The following CBFA2T3 variants were observed in gnomAD, a reference collection of about 807,000 sequenced individuals.
CBFA2T3 encodes CBFA2/RUNX1 partner transcriptional co-repressor 3, also known as transcriptional corepressor CBFA2T3.
A neutral mutation model predicts 58.6 loss-of-function variants in CBFA2T3; 31 were observed. That is an observed-to-expected ratio of 0.53 (90% CI 0.40 to 0.71). The LOEUF is 0.71. Among genes scored for constraint, CBFA2T3 ranks in the 30% least tolerant of loss-of-function variants. CBFA2T3 has a pLI of 0.00. For synonymous variants in CBFA2T3, 531 were observed against 421.9 expected (o/e 1.26, Z -3.17); for missense variants, 1,076 against 963.1 (o/e 1.12, Z -1.55).
At chr16:88,891,660 T>C (rs1969636101) in intron 5 of CBFA2T3, among the ~76,000 whole-genome samples, 1 of 152,218 alleles carries the variant, frequency 6.6e-6, no homozygotes. Flanking sequence ...TTTTCAGGCC[T>C]TAACTAGTAG....
Position 88,885,731 on chromosome 16 carries a change from T to C in CBFA2T3, c.893+230A>G. 1 of 546,270 alleles carries C rather than the reference T, an allele frequency of 1.8e-6. No individual in the cohort carries two copies. The allele number at this position is 546,270 out of a possible 1,614,324, so 33.8% of individuals were successfully genotyped here. On this transcript the variant is annotated intron_variant, in intron 6 of 11. Coordinates refer to ENST00000268679, the MANE Select transcript of CBFA2T3 (RefSeq NM_005187.6). This position sits in a 1 kb window ranked among gnomAD's most constrained non-coding sequence, Gnocchi z 5.3. ...GCCGTCCTCCCACCAGCCTCCTCCC[T>C]GTCCTCCTAGGCTCCCCGGAGCATC... is the stretch of plus-strand genomic sequence containing the variant.
chr16:88,910,954 C>T (rs912929568), intron 1 of CBFA2T3, among the ~76,000 whole-genome samples: 1 of 148,618 alleles, frequency 6.7e-6, no homozygotes, highest in South Asian at 2.1e-4. Context: ...GGCCTGAGAG[C>T]CTCAGGCGCT....
At chr16:88,961,386 T>G (rs572311932) in intron 1 of CBFA2T3, among the ~76,000 whole-genome samples, 4 of 117,872 alleles carry the variant, frequency 3.4e-5, no homozygotes, top group Admixed American at 8.1e-5. Context: ...CCATAGCAAC[T>G]GACCCTCAGC....
intron 1 of CBFA2T3, among the ~76,000 whole-genome samples, chr16:88,922,920 C>A (rs182129857): frequency 6.6e-6 from 1 of 152,226 alleles, no homozygotes; most frequent in African/African-American, 2.4e-5. Context: ...CTCTTCCCAC[C>A]GTACAGATGG....
At chr16:88,888,154 G>C (rs1451347852) in intron 5 of CBFA2T3, among the ~76,000 whole-genome samples, 1 of 151,920 alleles carries the variant, frequency 6.6e-6, no homozygotes, top group East Asian at 2.0e-4. Context: ...AACTACGAGA[G>C]AGAGGGCCCA....
At chr16:88,912,209 G>A (rs1459338542) in intron 1 of CBFA2T3, among the ~76,000 whole-genome samples, 1 of 152,240 alleles carries the variant, frequency 6.6e-6, no homozygotes, top group Non-Finnish European at 1.5e-5. Flanking sequence ...CTTTCCCAAG[G>A]AGAGAAGAAA....
intron 3 of CBFA2T3, among the ~76,000 whole-genome samples, chr16:88,897,297 G>A (rs568694397): frequency 6.6e-6 from 1 of 152,338 alleles, no homozygotes; most frequent in East Asian, 1.9e-4. Context: ...CAGAAACAAC[G>A]CACAGTTGTT....
intron 5 of CBFA2T3, 57 bp downstream of exon 5, chr16:88,891,825 G>C (rs968068696): frequency 2.2e-5 from 27 of 1,224,794 alleles, no homozygotes; most frequent in Non-Finnish European, 3.2e-5. Flanking sequence ...GCAAGGAGTG[G>C]GATTAAGGGG....
At chr16:88,913,504 G>C (rs1473662555) in intron 1 of CBFA2T3, among the ~76,000 whole-genome samples, 3 of 152,222 alleles carry the variant, frequency 2.0e-5, no homozygotes, top group African/African-American at 7.2e-5. Context: ...GGACCTGAGA[G>C]ACAATCAAAT....
intron 1 of CBFA2T3, among the ~76,000 whole-genome samples, chr16:88,909,758 C>T (rs1191057991): frequency 6.6e-6 from 1 of 152,220 alleles, no homozygotes; most frequent in Admixed American, 6.5e-5. Context: ...ACCCCGCACC[C>T]ACGCTGCCCC....
At chr16:88,891,791 G>T (rs965897242) in intron 5 of CBFA2T3, 91 bp downstream of exon 5, 3 of 891,232 alleles carry the variant, frequency 3.4e-6, no homozygotes, top group African/African-American at 1.7e-5. Flanking sequence ...GCCCCTTCCC[G>T]CCTGTCCACC....
intron 1 of CBFA2T3, among the ~76,000 whole-genome samples, chr16:88,904,113 G>A (rs942430623): frequency 2.0e-5 from 3 of 151,780 alleles, no homozygotes; most frequent in African/African-American, 4.9e-5. Flanking sequence ...GCGTGCTCAC[G>A]GCCACCACCT....
At chr16:88,975,210 C>CCTCCAGCCATGTCAGAGGTCCACCCTGAT (rs1567644081) in intron 1 of CBFA2T3, among the ~76,000 whole-genome samples, 2 of 102,096 alleles carry the variant, frequency 2.0e-5, no homozygotes, top group Non-Finnish European at 2.1e-5. Flanking sequence ...TCCACCCTGA[C>CCTCCAGCCATGTCAGAGGTCCACCCTGAT]CCTCTGCTCC....
chr16:88,922,684 C>G (rs532771577), intron 1 of CBFA2T3, among the ~76,000 whole-genome samples: 145 of 152,340 alleles, frequency 9.5e-4, no homozygotes, highest in African/African-American at 3.3e-3. Context: ...GCAAATCCCG[C>G]CTACAGGCCG....
intron 1 of CBFA2T3, among the ~76,000 whole-genome samples, chr16:88,943,346 G>A (rs888542844): frequency 2.6e-5 from 4 of 152,216 alleles, no homozygotes; most frequent in African/African-American, 4.8e-5. Context: ...CGCAGGCTTC[G>A]GGTGTTAAGT....
At chr16:88,964,884 TCCATCCATCCA>T (rs1218535057) in intron 1 of CBFA2T3, among the ~76,000 whole-genome samples, 1 of 150,110 alleles carries the variant, frequency 6.7e-6, no homozygotes, top group Non-Finnish European at 1.5e-5. Flanking sequence ...TGTCCATCCA[TCCATCCATCCA>T]CCATCTATCC....
chr16:88,886,310 C>T (rs1211708658), intron 5 of CBFA2T3, 168 bp from the exon 6 acceptor site: 2 of 407,692 alleles, frequency 4.9e-6, no homozygotes, highest in Non-Finnish European at 8.7e-6. Flanking sequence ...CTAGCAGTGC[C>T]ATGGGAGGGT....
At chr16:88,940,897 T>G (rs751277819) in intron 1 of CBFA2T3, 12 of 366,530 alleles carry the variant, frequency 3.3e-5, no homozygotes, top group Non-Finnish European at 4.5e-5. Context: ...CACCCTGCCG[T>G]GGGCACCAAC....
intron 1 of CBFA2T3, among the ~76,000 whole-genome samples, chr16:88,962,576 G>C (rs1972393503): frequency 6.6e-6 from 1 of 152,184 alleles, no homozygotes; most frequent in Non-Finnish European, 1.5e-5. Flanking sequence ...AGGGCACGTG[G>C]TGGGGCCAGA....
Sources: allele counts gnomAD v4.1 joint callset (sites outside exome capture counted in the v4.1 genomes callset), GRCh38; gene constraint gnomAD v4.1.1; non-coding constraint Gnocchi (gnomAD v3.1); transcripts MANE v1.5; gene names NCBI Gene and HGNC (gene_info 2026-07-23, HGNC 2026-07-21).